SGCG: variants seen among roughly 807,000 people sequenced by gnomAD.
The protein encoded by SGCG is sarcoglycan gamma.
A neutral mutation model predicts 29.3 loss-of-function variants in SGCG; 26 were observed. The observed-to-expected ratio is 0.89, with a 90% CI of 0.65 to 1.23. The LOEUF is 1.23. SGCG is among the 50% of genes most tolerant of loss of function. The pLI is 0.00. For synonymous variants in SGCG, 145 were observed against 129.7 expected (o/e 1.12, Z -0.80); for missense variants, 353 against 356.0 (o/e 0.99, Z 0.07).
chr13:23,224,009 T>C (rs991394937), intron 2 of SGCG, among the ~76,000 whole-genome samples: 1 of 152,174 alleles, frequency 6.6e-6, no homozygotes, highest in Non-Finnish European at 1.5e-5. Context: ...GTGTTGTGGA[T>C]CTAACTTTTG....
In SGCG at chr13:23,234,142, T is replaced by C. The variant is rs199530044; in HGVS notation, c.196-469T>C. On this transcript the variant is annotated intron_variant, in intron 2 of 7. Coordinates refer to ENST00000218867, the MANE Select transcript of SGCG (RefSeq NM_000231.3). The stretch of plus-strand genomic sequence containing the variant: ...CCTGTTTTGCTTTTCACTTAAGAAG[T>C]GTTCAATAAATATTTACTACAGAGT... Among the ~76,000 whole-genome samples the C allele has an allele frequency of 8.5e-5, 13 of 152,286 alleles. No homozygotes were observed. The East Asian group carries it at 9.7e-4, about 11-fold the overall frequency.
rs115344072 is a variant in SGCG at position 23,287,185 on chromosome 13, A to G, written c.505+7707A>G. 7.9e-3 allele frequency among the ~76,000 whole-genome samples: 1,208 copies of G among 152,298 alleles called. 19 individuals are homozygous for G. The highest frequency in any genetic ancestry group is 0.027 in the African/African-American group (1,116 of 41,554). On this transcript the variant is annotated intron_variant, in intron 5 of 7. Transcript: ENST00000218867. Reference sequence around the variant, plus strand: ...AGAGGAAGGTAATCTGGGTAGCCCAATCTATCCCATGAGCCCTTTATAACC... The same window carrying G: ...AGAGGAAGGTAATCTGGGTAGCCCAGTCTATCCCATGAGCCCTTTATAACC...
intron 1 of SGCG, among the ~76,000 whole-genome samples, chr13:23,184,860 A>AT (rs1193830381): frequency 6.6e-6 from 1 of 152,196 alleles, no homozygotes; most frequent in East Asian, 1.9e-4. Context: ...AGGGAACCTG[A>AT]TGTGAGATAG....
At chr13:23,252,672 C>G (rs1593198874) in intron 4 of SGCG, among the ~76,000 whole-genome samples, 2 of 152,016 alleles carry the variant, frequency 1.3e-5, no homozygotes, top group South Asian at 4.2e-4. Context: ...GCCTGGGCGA[C>G]AGAGTGAGAC....
At position 23,324,478 on chromosome 13, in the gene SGCG, G is replaced by A; in HGVS notation, c.813G>A (p.Lys271=). The change falls in exon 8 of 8, where the codon AAG becomes AAA. Residue 271 remains lysine (K), a synonymous_variant. Coordinates refer to ENST00000218867, the MANE Select transcript of SGCG (RefSeq NM_000231.3). ...LYEICVCPDG[K]LYLSVAGVST... ...AAATCTGTGTGTGTCCAGATGGGAAGCTGTACCTGTCTGTGGCCGGTGTGA... is the reference window on the plus strand; with the variant it reads ...AAATCTGTGTGTGTCCAGATGGGAAACTGTACCTGTCTGTGGCCGGTGTGA... 1.9e-6 allele frequency: 3 copies of A among 1,613,912 alleles called. No homozygotes were observed. Among genetic ancestry groups the A allele is most frequent in the Non-Finnish European group, 2.5e-6 (3 of 1,180,036 alleles).
chr13:23,223,732 CTGA>C (rs1441337674), intron 2 of SGCG, among the ~76,000 whole-genome samples: 1 of 152,084 alleles, frequency 6.6e-6, no homozygotes, highest in Non-Finnish European at 1.5e-5. Context: ...CTTTGGGAGG[CTGA>C]GGAGGGCAGA....
chr13:23,299,442 A>C, intron 6 of SGCG, among the ~76,000 whole-genome samples: 1 of 5,288 alleles, frequency 1.9e-4, no homozygotes, highest in South Asian at 0.015. Flanking sequence ...ATATATATAT[A>C]TATATATATA....
chr13:23,226,274 G>C (rs1878892676), intron 2 of SGCG, among the ~76,000 whole-genome samples: 1 of 151,734 alleles, frequency 6.6e-6, no homozygotes. Flanking sequence ...AAAAGAAAAA[G>C]CATATACCAA....
intron 4 of SGCG, among the ~76,000 whole-genome samples, chr13:23,265,842 C>T (rs1201633642): frequency 1.3e-5 from 2 of 152,152 alleles, no homozygotes; most frequent in Non-Finnish European, 2.9e-5. Context: ...TTAGTAGAAC[C>T]TCTATGGAAA....
intron 5 of SGCG, among the ~76,000 whole-genome samples, chr13:23,289,553 T>C (rs968123588): frequency 6.6e-6 from 1 of 152,242 alleles, no homozygotes; most frequent in Non-Finnish European, 1.5e-5. Context: ...ATTAAATTAT[T>C]TGAATTTCTT....
At chr13:23,219,507 G>A (rs1878572424) in intron 2 of SGCG, among the ~76,000 whole-genome samples, 1 of 152,086 alleles carries the variant, frequency 6.6e-6, no homozygotes, top group South Asian at 2.1e-4. Context: ...AGTATTAAAG[G>A]AATTTTTCTT....
chr13:23,188,762 C>T (rs1403910631), intron 1 of SGCG, among the ~76,000 whole-genome samples: 1 of 152,268 alleles, frequency 6.6e-6, no homozygotes, highest in East Asian at 1.9e-4. Context: ...CAAGTAAATA[C>T]TGCAGCCTAG....
At chr13:23,262,831 CTG>C (rs1252657670) in intron 4 of SGCG, among the ~76,000 whole-genome samples, 1 of 151,904 alleles carries the variant, frequency 6.6e-6, no homozygotes, top group Non-Finnish European at 1.5e-5. Context: ...CAAAATAAAA[CTG>C]GAGATAAATT....
In SGCG at chr13:23,288,446, G is replaced by T. The variant is rs115044454; in HGVS notation, c.506-6969G>T. Among the ~76,000 whole-genome samples the T allele has an allele frequency of 7.7e-3, 1,169 of 152,042 alleles. 17 individuals carry two copies. Among genetic ancestry groups the T allele is most frequent in the African/African-American group, 0.026 (1,081 of 41,366 alleles). ...CATTCTTTGAGCAATTAAGACAATTGCTGTTGCTATTCTCTTAATTACTCA... is the reference window on the plus strand; with the variant it reads ...CATTCTTTGAGCAATTAAGACAATTTCTGTTGCTATTCTCTTAATTACTCA... On this transcript the variant is annotated intron_variant, in intron 5 of 7. Coordinates refer to ENST00000218867, the MANE Select transcript of SGCG (RefSeq NM_000231.3).
chr13:23,247,937 G>C (rs1296653288), intron 3 of SGCG, among the ~76,000 whole-genome samples: 3 of 140,664 alleles, frequency 2.1e-5, no homozygotes, highest in Non-Finnish European at 3.0e-5. Context: ...TGGCAACAGA[G>C]TGAAACTCCC....
chr13:23,197,737 T>A (rs928524620), intron 1 of SGCG, among the ~76,000 whole-genome samples: 1 of 107,188 alleles, frequency 9.3e-6, no homozygotes, highest in African/African-American at 3.3e-5. Flanking sequence ...TCTAAATATA[T>A]CTTAATTGAA....
upstream of SGCG, among the ~76,000 whole-genome samples, chr13:23,176,318 A>C (rs1876553847): frequency 6.6e-6 from 1 of 152,180 alleles, no homozygotes; most frequent in Non-Finnish European, 1.5e-5. Flanking sequence ...TCTGGTAGAG[A>C]GGACAGCATA....
chr13:23,309,396 C>T (rs1460701314), intron 6 of SGCG, among the ~76,000 whole-genome samples: 1 of 152,078 alleles, frequency 6.6e-6, no homozygotes, highest in African/African-American at 2.4e-5. Context: ...TGCACACCAC[C>T]ATACCCAGCT....
chr13:23,294,034 T>C (rs1881816015), intron 5 of SGCG, among the ~76,000 whole-genome samples: 1 of 152,198 alleles, frequency 6.6e-6, no homozygotes. Context: ...TGGCTTGCCT[T>C]CTACAAAGCC....
Sources: allele counts gnomAD v4.1 joint callset (sites outside exome capture counted in the v4.1 genomes callset), GRCh38; gene constraint gnomAD v4.1.1; transcripts MANE v1.5; gene names NCBI Gene and HGNC (gene_info 2026-07-23, HGNC 2026-07-21).